IMPG1: variants seen among roughly 807,000 people sequenced by gnomAD.
The protein encoded by IMPG1 is interphotoreceptor matrix proteoglycan of 150 kDa.
In IMPG1, 85 loss-of-function variants were observed where a neutral mutation model predicts 92.0. The observed-to-expected ratio is 0.92, with a 90% confidence interval of 0.78 to 1.11. The LOEUF (loss-of-function observed/expected upper bound fraction) is 1.11, where lower values mean the gene tolerates loss of function less well. IMPG1 is among the 50% of genes least tolerant of loss of function. The pLI is 0.00. For missense variants in IMPG1, 1,022 were observed against 956.0 expected (o/e 1.07, Z -0.91); for synonymous variants, 367 against 334.1 (o/e 1.10, Z -1.08).
chr6:75,946,005 A>G (rs1781921982), intron 14 of IMPG1, among the ~76,000 whole-genome samples: 1 of 152,196 alleles, frequency 6.6e-6, no homozygotes. Context: ...TGACTTCTTC[A>G]ATGCTTTCCA....
At chr6:75,930,917 G>C in intron 15 of IMPG1, 36 bp downstream of exon 15, 1 of 1,564,472 alleles carries the variant, frequency 6.4e-7, no homozygotes, top group Non-Finnish European at 8.8e-7. Flanking sequence ...TAAGTAATGA[G>C]TTCTTGAGTC....
At chr6:76,053,964 T>A (rs773030313) in intron 1 of IMPG1, among the ~76,000 whole-genome samples, 3 of 152,156 alleles carry the variant, frequency 2.0e-5, no homozygotes, top group Non-Finnish European at 4.4e-5. Flanking sequence ...CAGCTGTATA[T>A]CTTTGCCTGT....
At position 76,018,096 on chromosome 6, in the gene IMPG1, T is replaced by C. The variant is rs548959101; in HGVS notation, c.807+622A>G. Among the ~76,000 whole-genome samples the C allele has an allele frequency of 3.9e-5, 6 of 152,344 alleles. No individual in the cohort carries two copies. In the South Asian group the frequency reaches 1.2e-3, roughly 32 times the overall value. ...ATGTAAACACAGTGGTCCCTTTTTA[T>C]CCTTGGTGGAGGGTATATTCCAAGA... On this transcript the variant is annotated intron_variant, in intron 7 of 16. Coordinates refer to ENST00000369950, the MANE Select transcript of IMPG1 (RefSeq NM_001563.4).
At chr6:75,940,105 C>T (rs1318279939) in intron 14 of IMPG1, among the ~76,000 whole-genome samples, 1 of 152,122 alleles carries the variant, frequency 6.6e-6, no homozygotes, top group Non-Finnish European at 1.5e-5. Context: ...TTCTTGGCTC[C>T]CTTTACTGTA....
intron 14 of IMPG1, chr6:75,935,013 C>CCTGGGCTGG (rs1219732333): frequency 4.2e-6 from 2 of 470,896 alleles, no homozygotes; most frequent in Non-Finnish European, 8.8e-6. Flanking sequence ...TCAGGCTTCA[C>CCTGGGCTGG]CTGGGCTGGC....
chr6:75,935,747 G>GA (rs1781734773), intron 14 of IMPG1, among the ~76,000 whole-genome samples: 1 of 152,140 alleles, frequency 6.6e-6, no homozygotes. Flanking sequence ...AAAATCAGAA[G>GA]AAAAAATTAA....
chr6:75,930,330 C>T (rs761893606), intron 15 of IMPG1, among the ~76,000 whole-genome samples: 14 of 152,050 alleles, frequency 9.2e-5, no homozygotes, highest in African/African-American at 1.4e-4. Flanking sequence ...GACTATAAAA[C>T]GAGAAAGTCT....
intron 4 of IMPG1, among the ~76,000 whole-genome samples, chr6:76,025,474 G>A (rs1008322313): frequency 6.6e-6 from 1 of 152,162 alleles, no homozygotes; most frequent in African/African-American, 2.4e-5. Flanking sequence ...GGTTATGTTT[G>A]ACTCCAGTGT....
chr6:76,022,554 T>G (rs1783451059), intron 5 of IMPG1, among the ~76,000 whole-genome samples: 1 of 152,192 alleles, frequency 6.6e-6, no homozygotes, highest in Non-Finnish European at 1.5e-5. Flanking sequence ...TTGAATTTGC[T>G]CTTCTGAGGG....
chr6:75,974,594 C>T (rs1292831515), intron 12 of IMPG1, among the ~76,000 whole-genome samples: 4 of 151,448 alleles, frequency 2.6e-5, no homozygotes, highest in African/African-American at 7.3e-5. Flanking sequence ...CTCAGCCTCC[C>T]GAGTAGCTGG....
chr6:75,940,278 C>T (rs779011078), intron 14 of IMPG1, among the ~76,000 whole-genome samples: 27 of 152,304 alleles, frequency 1.8e-4, no homozygotes, highest in Non-Finnish European at 3.4e-4. Context: ...CCCTTGGCCT[C>T]CAGACACCTA....
chr6:76,053,357 A>G (rs1784073606), intron 1 of IMPG1, among the ~76,000 whole-genome samples: 1 of 152,192 alleles, frequency 6.6e-6, no homozygotes. Flanking sequence ...GTAATGCATG[A>G]GCCGGAGGAA....
chr6:75,940,301 G>C (rs1173624113), intron 14 of IMPG1, among the ~76,000 whole-genome samples: 2 of 152,088 alleles, frequency 1.3e-5, no homozygotes, highest in Non-Finnish European at 2.9e-5. Context: ...TCATAGGCTA[G>C]AGTCAATCTA....
chr6:75,924,690 A>AAT (rs1229280359), intron 15 of IMPG1, among the ~76,000 whole-genome samples: 2 of 116 alleles, frequency 0.017, 1 homozygote, highest in Non-Finnish European at 0.042. Flanking sequence ...TATATTATAT[A>AAT]TAAATAATTA....
At chr6:76,041,224 G>A (rs1783832932) in intron 2 of IMPG1, among the ~76,000 whole-genome samples, 1 of 152,150 alleles carries the variant, frequency 6.6e-6, no homozygotes, top group Non-Finnish European at 1.5e-5. Context: ...TGGCTGTGCT[G>A]TGATTAACTC....
At chr6:76,037,736 G>A (rs1157405175) in intron 2 of IMPG1, among the ~76,000 whole-genome samples, 1 of 152,178 alleles carries the variant, frequency 6.6e-6, no homozygotes, top group Non-Finnish European at 1.5e-5. Context: ...TTCAAAACCA[G>A]TATAAGTGTC....
intron 1 of IMPG1, among the ~76,000 whole-genome samples, chr6:76,048,661 C>T (rs534363125): frequency 3.3e-5 from 5 of 152,294 alleles, no homozygotes; most frequent in East Asian, 1.9e-4. Context: ...CACACAAACA[C>T]GCTATTATTT....
At chr6:75,955,558 G>A (rs940454078) in intron 12 of IMPG1, among the ~76,000 whole-genome samples, 1 of 152,136 alleles carries the variant, frequency 6.6e-6, no homozygotes, top group Admixed American at 6.5e-5. Context: ...GAGACAATTC[G>A]ACTTCCTCTC....
intron 1 of IMPG1, among the ~76,000 whole-genome samples, chr6:76,044,233 A>T (rs1783894174): frequency 6.6e-6 from 1 of 152,196 alleles, no homozygotes; most frequent in Admixed American, 6.6e-5. Flanking sequence ...GTTTAGGAAT[A>T]TTAATTTTAA....
Sources: allele counts gnomAD v4.1 joint callset (sites outside exome capture counted in the v4.1 genomes callset), GRCh38; gene constraint gnomAD v4.1.1; transcripts MANE v1.5; gene names NCBI Gene and HGNC (gene_info 2026-07-23, HGNC 2026-07-21).